Variants in TRIM33 observed in about 807,000 individuals in gnomAD.
TRIM33 encodes the protein tripartite motif containing 33.
A neutral mutation model predicts 125.4 loss-of-function variants in TRIM33; 20 were observed. The observed-to-expected ratio is 0.16, with a 90% confidence interval of 0.11 to 0.23. The LOEUF is 0.23. TRIM33 is among the 10% of genes least tolerant of loss of function. TRIM33 has a pLI of 1.00. For missense variants in TRIM33, 920 were observed against 1,411.4 expected, an observed-to-expected ratio of 0.65 and a Z score of 5.58; for synonymous variants, 564 against 513.9, an observed-to-expected ratio of 1.10 and a Z score of -1.32.
chr1:114,507,020 G>T (rs187938193), intron 1 of TRIM33, among the ~76,000 whole-genome samples: 1 of 152,126 alleles, frequency 6.6e-6, no homozygotes, highest in African/African-American at 2.4e-5. Context: ...CTTATTTATT[G>T]AACAGTCTAC....
chr1:114,494,880 C>G (rs1652277412), intron 1 of TRIM33, among the ~76,000 whole-genome samples: 1 of 152,090 alleles, frequency 6.6e-6, no homozygotes, highest in Non-Finnish European at 1.5e-5. Flanking sequence ...AATTGGCAGC[C>G]TAACTGGTAT....
intron 16 of TRIM33, among the ~76,000 whole-genome samples, chr1:114,401,799 C>G (rs1437744041): frequency 6.6e-6 from 1 of 152,124 alleles, no homozygotes; most frequent in African/African-American, 2.4e-5. Flanking sequence ...CACTGTTGCT[C>G]CTCATGGTAA....
At chr1:114,433,154 G>A (rs1160299944) in intron 5 of TRIM33, among the ~76,000 whole-genome samples, 1 of 152,130 alleles carries the variant, frequency 6.6e-6, no homozygotes, top group Non-Finnish European at 1.5e-5. Context: ...AATAGCAACA[G>A]CTAAAATCTA....
rs756070995 is a variant in TRIM33, at chr1:114,427,220, G to A, written c.1377C>T (p.Phe459=). ...TTGCCCAGAAGGTGGGATCACAATG[G>A]AAACGTATTGCTCCATTAGCAGCAG... ...PVPAANGAIR[F]HCDPTFWAKN... is the part of the protein sequence containing the mutation. Residue 459 remains phenylalanine, a synonymous_variant, in exon 8 of 20, where the codon TTC becomes TTT. Transcript: ENST00000358465. 1.2e-6 allele frequency: 2 copies of A among 1,605,128 alleles called. No homozygotes were observed. Among genetic ancestry groups the A allele is most frequent in the Admixed American group, 3.4e-5 (2 of 59,558 alleles).
intron 1 of TRIM33, among the ~76,000 whole-genome samples, chr1:114,488,209 CATAA>C (rs1299297180): frequency 1.3e-5 from 2 of 152,048 alleles, no homozygotes; most frequent in Non-Finnish European, 2.9e-5. Context: ...ACAAAACCAC[CATAA>C]ATAAAGACGG....
chr1:114,500,332 T>C (rs1652636558), intron 1 of TRIM33, among the ~76,000 whole-genome samples: 1 of 152,258 alleles, frequency 6.6e-6, no homozygotes, highest in Non-Finnish European at 1.5e-5. Flanking sequence ...GTTTTTCTGT[T>C]CTTTTTTAAA....
chr1:114,413,512 C>A (rs1384069548), intron 11 of TRIM33, among the ~76,000 whole-genome samples: 3 of 139,596 alleles, frequency 2.1e-5, no homozygotes, highest in Non-Finnish European at 4.6e-5. Flanking sequence ...GAGTCAAGAT[C>A]GTGCTATTGC....
intron 1 of TRIM33, among the ~76,000 whole-genome samples, chr1:114,509,778 T>A (rs769763363): frequency 1.3e-5 from 2 of 152,222 alleles, no homozygotes; most frequent in African/African-American, 2.4e-5. Flanking sequence ...GCAAGTTATA[T>A]GTTTCTCCTG....
At chr1:114,481,877 A>T (rs965560692) in intron 1 of TRIM33, among the ~76,000 whole-genome samples, 1 of 151,882 alleles carries the variant, frequency 6.6e-6, no homozygotes, top group Admixed American at 6.6e-5. Context: ...CTCCTGCCTC[A>T]GCCCCCTAGT....
rs373665598 is a variant in TRIM33 at position 114,470,823 on chromosome 1, T to C, written c.527-6435A>G. On this transcript the variant is annotated intron_variant, in intron 1 of 19. Coordinates refer to ENST00000358465, the MANE Select transcript of TRIM33 (RefSeq NM_015906.4). ...GTTTTGTGTTTTGTTTTGTTTGAGA[T>C]AGGGTCTTGCTCTATGGCCCAGGCT... 1.4e-4 allele frequency among the ~76,000 whole-genome samples: 21 copies of C among 152,320 alleles called. No individual in the cohort carries two copies. The South Asian group carries it at 3.7e-3, about 27-fold the overall frequency.
chr1:114,470,638 T>TAAC lies in TRIM33; in HGVS notation c.527-6253_527-6251dup, dbSNP rs35575166. 2.3e-3 allele frequency among the ~76,000 whole-genome samples: 347 copies of TAAC among 151,430 alleles called. 1 individual carries two copies. Among genetic ancestry groups the TAAC allele is most frequent in the Admixed American group, 7.1e-3 (108 of 15,216 alleles). On this transcript the variant is annotated intron_variant, in intron 1 of 19. Transcript: ENST00000358465. Reference sequence around the variant, plus strand: ...AATCGATTCAGCATGACTTGGTCAATAACAACAACAACAACAACAACAACA... The same window carrying TAAC: ...AATCGATTCAGCATGACTTGGTCAATAACAACAACAACAACAACAACAACAACA...
chr1:114,424,368 T>C lies in TRIM33; in HGVS notation c.1860+223A>G, dbSNP rs1647409665. Among the ~76,000 whole-genome samples the C allele has an allele frequency of 2.0e-5, 3 of 152,094 alleles. No individual in the cohort carries two copies. In the South Asian group the frequency reaches 6.2e-4, roughly 31 times the overall value. On this transcript the variant is annotated intron_variant, in intron 10 of 19. Transcript: ENST00000358465. ...ATTGAATGGGTTAACTACATCAGGG[T>C]TTCTTAACCCACAGTATATGATGCA... is the stretch of plus-strand genomic sequence containing the variant.
At chr1:114,429,190 CT>C (rs34957665) in intron 6 of TRIM33, among the ~76,000 whole-genome samples, 342 of 140,126 alleles carry the variant, frequency 2.4e-3, no homozygotes, top group Middle Eastern at 3.9e-3. Flanking sequence ...CACAAGAGTA[CT>C]TTTTTTTTTT....
chr1:114,418,907 C>T (rs1653099943), intron 11 of TRIM33, among the ~76,000 whole-genome samples: 1 of 152,012 alleles, frequency 6.6e-6, no homozygotes, highest in Admixed American at 6.6e-5. Flanking sequence ...CCCACCCCTT[C>T]CTCCAAACTA....
At chr1:114,408,831 CCAGCTA>C in intron 12 of TRIM33, 91 bp from the exon 13 acceptor site, 1 of 889,396 alleles carries the variant, frequency 1.1e-6, no homozygotes, top group East Asian at 2.8e-5. Context: ...TTATTATAAC[CCAGCTA>C]AAAAATTATT....
intron 16 of TRIM33, 33 bp downstream of exon 16, chr1:114,402,727 T>A: frequency 6.2e-7 from 1 of 1,603,590 alleles, no homozygotes; most frequent in East Asian, 2.2e-5. Flanking sequence ...AACTACTGAA[T>A]CCCAGTGACA....
chr1:114,435,868 A>G (rs1648245382), intron 4 of TRIM33, among the ~76,000 whole-genome samples: 1 of 139,560 alleles, frequency 7.2e-6, no homozygotes, highest in Non-Finnish European at 1.5e-5. Flanking sequence ...CTGGGACTAT[A>G]GACACCCGCT....
At chr1:114,444,704 C>T (rs995936215) in intron 4 of TRIM33, among the ~76,000 whole-genome samples, 16 of 152,176 alleles carry the variant, frequency 1.1e-4, no homozygotes, top group Non-Finnish European at 2.1e-4. Flanking sequence ...CCTACAAGAA[C>T]AATCAAGTCT....
rs915703023 is a variant in TRIM33, at chr1:114,394,593, CTTATG to C, written c.*3050_*3054del. On this transcript the variant is annotated 3_prime_UTR_variant, in exon 20 of 20. Transcript: ENST00000358465. The stretch of plus-strand genomic sequence containing the variant: ...CTGACTTAGCATTACCTAAAATTCC[CTTATG>C]TTAAGATACAGAAGTCAGAAAGTAC... 1 of 207,188 alleles carries C rather than the reference CTTATG, an allele frequency of 4.8e-6. No individual in the cohort carries two copies. Among genetic ancestry groups the C allele is most frequent in the African/African-American group, 2.3e-5 (1 of 43,828 alleles). 12.8% of individuals were successfully genotyped at this position (207,188 alleles called of 1,614,324 possible).
Sources: gnomAD v4.1 joint callset for allele counts (sites outside exome capture counted in the v4.1 genomes callset) on GRCh38, gnomAD v4.1.1 for gene constraint, MANE v1.5 for transcripts, NCBI Gene and HGNC (gene_info 2026-07-23, HGNC 2026-07-21) for gene names.